MAP2: variants seen among roughly 807,000 people sequenced by gnomAD.
The protein encoded by MAP2 is microtubule-associated protein 2.
Under a neutral mutation model 137.6 loss-of-function variants are expected in MAP2, and 14 were observed. That is an observed-to-expected ratio of 0.10 (90% CI 0.07 to 0.16). The LOEUF (loss-of-function observed/expected upper bound fraction) is 0.16, where lower values mean the gene tolerates loss of function less well. Among genes scored for constraint, MAP2 ranks in the 10% least tolerant of loss-of-function variants. MAP2 has a pLI of 1.00. For synonymous variants in MAP2, 786 were observed against 782.3 expected, an observed-to-expected ratio of 1.00 and a Z score of -0.08; for missense variants, 2,088 against 2,191.5, an observed-to-expected ratio of 0.95 and a Z score of 0.94.
At chr2:209,545,088 G>T (rs1043166912) in intron 2 of MAP2, among the ~76,000 whole-genome samples, 4 of 152,186 alleles carry the variant, frequency 2.6e-5, no homozygotes, top group Non-Finnish European at 4.4e-5. Flanking sequence ...TGGGATAATA[G>T]TAAGAGTTTT....
chr2:209,652,872 T>A (rs1035478980), intron 4 of MAP2, among the ~76,000 whole-genome samples: 5 of 152,214 alleles, frequency 3.3e-5, no homozygotes, highest in African/African-American at 1.2e-4. Flanking sequence ...TTTTTTGTTT[T>A]GTTTTGTTTT....
At position 209,598,067 on chromosome 2, in the gene MAP2, G is replaced by A. The variant is rs1290020373; in HGVS notation, c.-107+17967G>A. 9.2e-5 allele frequency among the ~76,000 whole-genome samples: 14 copies of A among 151,868 alleles called. No homozygotes were observed. In the South Asian group the frequency reaches 1.2e-3, roughly 14 times the overall value. On this transcript the variant is annotated intron_variant, in intron 3 of 15. Transcript: ENST00000682079. ...GTCGCCCAGTCTGGAGTGTAGTGGC[G>A]CAACCTTGGCTCACTGCAACCTCTG...
chr2:209,651,244 G>A (rs963995789), intron 4 of MAP2, among the ~76,000 whole-genome samples: 10 of 152,082 alleles, frequency 6.6e-5, no homozygotes, highest in Non-Finnish European at 1.5e-4. Context: ...CACAGGGAGA[G>A]GTTAATTCCA....
chr2:209,701,924 A>G (rs2061866574), intron 11 of MAP2, among the ~76,000 whole-genome samples: 1 of 151,940 alleles, frequency 6.6e-6, no homozygotes, highest in Non-Finnish European at 1.5e-5. Flanking sequence ...TTTTCTTCCT[A>G]TTTCTTAATT....
rs1042817311 is a variant in MAP2, at chr2:209,591,667, A to G, written c.-107+11567A>G. ...CCTCTCTGTTCCCATTCCCAATCTCACATCCCAGTGAAAACCATTTTGATA... is the reference window on the plus strand; with the variant it reads ...CCTCTCTGTTCCCATTCCCAATCTCGCATCCCAGTGAAAACCATTTTGATA... On this transcript the variant is annotated intron_variant, in intron 3 of 15. Transcript: ENST00000682079. Among the ~76,000 whole-genome samples, 4 of 152,168 alleles carry G rather than the reference A, an allele frequency of 2.6e-5. No individual in the cohort carries two copies. The East Asian group carries it at 7.7e-4, about 29-fold the overall frequency.
chr2:209,709,494 T>C (rs1050144817), intron 12 of MAP2, among the ~76,000 whole-genome samples: 1 of 152,124 alleles, frequency 6.6e-6, no homozygotes, highest in African/African-American at 2.4e-5. Flanking sequence ...ATGAATTTAC[T>C]ACATAGAGGA....
intron 2 of MAP2, among the ~76,000 whole-genome samples, chr2:209,573,875 T>G (rs1057460990): frequency 2.0e-5 from 3 of 152,204 alleles, no homozygotes; most frequent in African/African-American, 7.2e-5. Context: ...AATGGAATTA[T>G]AAAATATATG....
Position 209,694,771 on chromosome 2 carries a change from G to A in MAP2, c.2601G>A (p.Leu867=). The A allele has an allele frequency of 6.2e-7, 1 of 1,614,084 alleles. No individual in the cohort carries two copies. The highest frequency in any genetic ancestry group is 8.5e-7 in the Non-Finnish European group (1 of 1,180,014). The change falls in exon 8 of 16, where the codon CTG becomes CTA. Residue 867 remains leucine (L), a synonymous_variant. Coordinates refer to ENST00000682079, the MANE Select transcript of MAP2 (RefSeq NM_001375505.1). The stretch of plus-strand genomic sequence containing the variant: ...AAACGGACAGTCAGCTCGAAGACCT[G>A]GGCTACTGTGTGTTCAATAAGTACA... ...IVKTDSQLED[L]GYCVFNKYTV...
intron 3 of MAP2, among the ~76,000 whole-genome samples, chr2:209,596,469 G>A (rs899975972): frequency 2.6e-5 from 4 of 152,096 alleles, no homozygotes; most frequent in Admixed American, 6.6e-5. Flanking sequence ...AGGATAAGTC[G>A]CCAGCCCTAG....
chr2:209,647,066 A>AGG (rs1041503243), intron 4 of MAP2, among the ~76,000 whole-genome samples: 2 of 152,224 alleles, frequency 1.3e-5, no homozygotes, highest in African/African-American at 4.8e-5. Flanking sequence ...TAGAAGGCAA[A>AGG]GGGGGAGCAA....
chr2:209,537,053 T>C (rs796503776), intron 2 of MAP2, among the ~76,000 whole-genome samples: 5 of 152,292 alleles, frequency 3.3e-5, no homozygotes, highest in African/African-American at 1.2e-4. Flanking sequence ...GCTTTATTGT[T>C]TTTGCTTTAT....
At chr2:209,538,367 T>A (rs947669205) in intron 2 of MAP2, among the ~76,000 whole-genome samples, 1 of 152,160 alleles carries the variant, frequency 6.6e-6, no homozygotes, top group Non-Finnish European at 1.5e-5. Context: ...CTATTTTATA[T>A]CATTGGTTCA....
chr2:209,588,581 A>G (rs1304788990), intron 3 of MAP2, among the ~76,000 whole-genome samples: 1 of 152,158 alleles, frequency 6.6e-6, no homozygotes, highest in African/African-American at 2.4e-5. Context: ...TTTTATTTCC[A>G]AGGTGAACAA....
At chr2:209,435,153 T>C (rs1412550278) in intron 1 of MAP2, among the ~76,000 whole-genome samples, 1 of 151,298 alleles carries the variant, frequency 6.6e-6, no homozygotes, top group Non-Finnish European at 1.5e-5. Flanking sequence ...TAGACAACCC[T>C]GCTTGTGCTA....
At chr2:209,720,607 C>T (rs1263711220) in intron 13 of MAP2, among the ~76,000 whole-genome samples, 1 of 141,180 alleles carries the variant, frequency 7.1e-6, no homozygotes, top group African/African-American at 2.7e-5. Context: ...CCACTGCACT[C>T]CAGCCTGGGT....
At chr2:209,654,814 A>G (rs1233449904) in intron 5 of MAP2, among the ~76,000 whole-genome samples, 2 of 152,218 alleles carry the variant, frequency 1.3e-5, no homozygotes, top group South Asian at 2.1e-4. Flanking sequence ...TAGACCTTCA[A>G]TATTCCATAA....
intron 5 of MAP2, among the ~76,000 whole-genome samples, chr2:209,670,046 C>T (rs982069694): frequency 4.6e-5 from 7 of 152,006 alleles, no homozygotes; most frequent in East Asian, 3.9e-4. Context: ...ACAGTTTTGA[C>T]GAGATGCAAA....
intron 5 of MAP2, among the ~76,000 whole-genome samples, chr2:209,676,930 A>C (rs2052054647): frequency 6.6e-6 from 1 of 151,380 alleles, no homozygotes; most frequent in Admixed American, 6.6e-5. Flanking sequence ...CAAAACCTAA[A>C]ATAATTCTTT....
chr2:209,692,533 CCATT>C (rs1173012740), intron 7 of MAP2, 88 bp from the exon 8 acceptor site: 2 of 1,395,648 alleles, frequency 1.4e-6, no homozygotes, highest in Non-Finnish European at 1.9e-6. Context: ...TTTTATTCTA[CCATT>C]CATTTATCAC....
Sources: allele counts gnomAD v4.1 joint callset (sites outside exome capture counted in the v4.1 genomes callset), GRCh38; gene constraint gnomAD v4.1.1; transcripts MANE v1.5; gene names NCBI Gene and HGNC (gene_info 2026-07-23, HGNC 2026-07-21).